TMEM165: variants seen among roughly 807,000 people sequenced by gnomAD.
The protein encoded by TMEM165 is putative divalent cation/proton antiporter TMEM165.
TMEM165 carries 19 observed loss-of-function variants against 30.0 expected under a neutral mutation model. That is an observed-to-expected ratio of 0.63 (90% CI 0.44 to 0.93). TMEM165 has a LOEUF of 0.93. Ranked by LOEUF, TMEM165 falls within the 40% of genes least tolerant of loss-of-function variation. TMEM165 has a pLI of 0.00. For synonymous variants in TMEM165, 168 were observed against 162.9 expected (o/e 1.03, Z -0.24); for missense variants, 340 against 417.0 (o/e 0.82, Z 1.61).
chr4:55,409,841 C>T (rs1721412638), intron 1 of TMEM165, among the ~76,000 whole-genome samples: 1 of 152,204 alleles, frequency 6.6e-6, no homozygotes, highest in African/African-American at 2.4e-5. Flanking sequence ...ACAGAAATCT[C>T]TCCTCTCTGT....
At position 55,419,180 on chromosome 4, in the gene TMEM165, T is replaced by TG. The variant is rs540917257; in HGVS notation, c.792+1199dup. Among the ~76,000 whole-genome samples the TG allele has an allele frequency of 1.2e-4, 18 of 152,112 alleles. 1 individual carries two copies. The highest frequency in any genetic ancestry group is 1.6e-4 in the Non-Finnish European group (11 of 68,002). ...TTATTTATTTACTTTTTGGTAGGGG[T>TG]GGGGTCTCACCATGTTGTCCAGCCA... On this transcript the variant is annotated intron_variant, in intron 4 of 5. Coordinates refer to ENST00000381334, the MANE Select transcript of TMEM165 (RefSeq NM_018475.5).
intron 3 of TMEM165, among the ~76,000 whole-genome samples, chr4:55,448,594 A>ATGCG (rs1553891179): frequency 2.2e-4 from 18 of 81,402 alleles, no homozygotes; most frequent in South Asian, 1.5e-3. Context: ...GCGCGCGCGC[A>ATGCG]CGCGCGCGTG....
At position 55,396,321 on chromosome 4, in the gene TMEM165, A is replaced by G. The variant is rs1231690793; in HGVS notation, c.132A>G (p.Lys44=). 6.6e-7 allele frequency: 1 copy of G among 1,521,980 alleles called. No individual in the cohort carries two copies. Among genetic ancestry groups the G allele is most frequent in the Admixed American group, 2.0e-5 (1 of 49,114 alleles). 94.3% of individuals were successfully genotyped at this position (1,521,980 alleles called of 1,614,324 possible). A position where few individuals can be genotyped will look rare whatever the true frequency, so the allele number is the denominator to read the frequency against. ...GPDEDLSHRN[K]EPPAPAQQLQ... is the part of the protein sequence containing the mutation. ...ATGAAGACCTTAGCCACCGGAACAA[A>G]GAACCGCCGGCGCCGGCCCAGCAGC... Residue 44 remains lysine, a synonymous_variant, in exon 1 of 6, where the codon AAA becomes AAG. Coordinates refer to ENST00000381334, the MANE Select transcript of TMEM165 (RefSeq NM_018475.5).
chr4:55,447,982 T>C (rs1327985988), intron 3 of TMEM165, among the ~76,000 whole-genome samples: 1 of 151,874 alleles, frequency 6.6e-6, no homozygotes, highest in Non-Finnish European at 1.5e-5. Context: ...AGCATCACTC[T>C]TGGAATTACT....
downstream of TMEM165, chr4:55,429,149 C>T (rs1350226049): frequency 1.3e-5 from 2 of 152,036 alleles, no homozygotes; most frequent in African/African-American, 2.4e-5. Context: ...CAAAAACACA[C>T]ATTATAAACA....
At chr4:55,416,516 A>T (rs529702457) in intron 2 of TMEM165, among the ~76,000 whole-genome samples, 1 of 152,330 alleles carries the variant, frequency 6.6e-6, no homozygotes, top group Non-Finnish European at 1.5e-5. Context: ...TTTTAATATA[A>T]TAAGAAATTT....
chr4:55,403,376 T>A (rs1040449431), intron 1 of TMEM165: 51 of 1,072,800 alleles, frequency 4.8e-5, no homozygotes, highest in Non-Finnish European at 5.9e-5. Context: ...CATTTGTGTT[T>A]ATTTGAACTC....
At chr4:55,436,280 A>G (rs189464182) in intron 3 of TMEM165, among the ~76,000 whole-genome samples, 17 of 152,204 alleles carry the variant, frequency 1.1e-4, no homozygotes, top group Non-Finnish European at 2.2e-4. Context: ...AAGACAGACA[A>G]ACAAAACAAA....
At chr4:55,403,519 T>C (rs1299148374) in intron 1 of TMEM165, among the ~76,000 whole-genome samples, 1 of 147,738 alleles carries the variant, frequency 6.8e-6, no homozygotes, top group East Asian at 2.0e-4. Context: ...TTTTACAATT[T>C]TTACATTTGG....
intron 2 of TMEM165, among the ~76,000 whole-genome samples, chr4:55,412,393 C>CAAAAAAAAAAAAAA: frequency 3.7e-5 from 2 of 54,374 alleles, no homozygotes; most frequent in African/African-American, 7.6e-5. Context: ...GACTCCATCT[C>CAAAAAAAAAAAAAA]AAAAAAAAAA....
At chr4:55,444,634 T>C (rs752522729) in intron 3 of TMEM165, 5 of 1,614,056 alleles carry the variant, frequency 3.1e-6, no homozygotes, top group East Asian at 4.5e-5. Context: ...AACAATTACC[T>C]GCAGCCCCTG....
chr4:55,440,801 C>G (rs571669203), intron 3 of TMEM165, among the ~76,000 whole-genome samples: 143 of 152,246 alleles, frequency 9.4e-4, no homozygotes, highest in Non-Finnish European at 1.5e-3. Flanking sequence ...GCTTTGTATA[C>G]TCTGGGCTCC....
At chr4:55,402,431 A>ATATATATATATATATATT (rs1721054746) in intron 1 of TMEM165, among the ~76,000 whole-genome samples, 1 of 31,022 alleles carries the variant, frequency 3.2e-5, no homozygotes, top group Non-Finnish European at 5.4e-5. Flanking sequence ...ATATATATAT[A>ATATATATATATATATATT]TATTTTTTTT....
At chr4:55,400,099 C>A (rs1475568914) in intron 1 of TMEM165, among the ~76,000 whole-genome samples, 1 of 138,662 alleles carries the variant, frequency 7.2e-6, no homozygotes, top group East Asian at 2.0e-4. Flanking sequence ...CCCCTCTTGG[C>A]CTGCCAAAGT....
intron 1 of TMEM165, 21 bp downstream of exon 1, chr4:55,396,417 C>T (rs967130579): frequency 8.1e-5 from 116 of 1,432,222 alleles, no homozygotes; most frequent in Non-Finnish European, 9.5e-5. Flanking sequence ...CGGGATGGGG[C>T]GAGCGAGGCT....
At chr4:55,400,599 G>A (rs1334762027) in intron 1 of TMEM165, among the ~76,000 whole-genome samples, 12 of 147,924 alleles carry the variant, frequency 8.1e-5, no homozygotes, top group Non-Finnish European at 1.2e-4. Flanking sequence ...CACCATGCCC[G>A]CCTAATTTTT....
At chr4:55,438,243 T>A (rs773546485) in intron 3 of TMEM165, 1 of 1,610,360 alleles carries the variant, frequency 6.2e-7, no homozygotes, top group African/African-American at 1.3e-5. Flanking sequence ...TACATGAAAG[T>A]AAATGAGTTT....
At chr4:55,414,506 A>G (rs1259234793) in intron 2 of TMEM165, among the ~76,000 whole-genome samples, 5 of 152,010 alleles carry the variant, frequency 3.3e-5, no homozygotes, top group Admixed American at 3.3e-4. Context: ...TTACACAGGT[A>G]TACATGTGCC....
At chr4:55,396,426 C>T in intron 1 of TMEM165, 30 bp downstream of exon 1, 1 of 1,401,876 alleles carries the variant, frequency 7.1e-7, no homozygotes, top group Non-Finnish European at 9.2e-7. Context: ...GCGAGCGAGG[C>T]TGCAGGGCCG....
Sources: gnomAD v4.1 joint callset for allele counts (sites outside exome capture counted in the v4.1 genomes callset) on GRCh38, gnomAD v4.1.1 for gene constraint, MANE v1.5 for transcripts, NCBI Gene and HGNC (gene_info 2026-07-23, HGNC 2026-07-21) for gene names.